Variants in KCNMB2 observed in about 807,000 individuals in gnomAD.
KCNMB2 encodes the protein potassium calcium-activated channel subfamily M regulatory beta subunit 2.
In KCNMB2, 9 loss-of-function variants were observed where a neutral mutation model predicts 24.5. The ratio of observed to expected loss-of-function variants is 0.37; its 90% CI spans 0.22 to 0.64. KCNMB2 has a LOEUF of 0.64. Ranked by LOEUF, KCNMB2 falls within the 30% of genes least tolerant of loss-of-function variation. KCNMB2 has a pLI of 0.63. For missense variants in KCNMB2, 226 were observed against 284.3 expected (o/e 0.79, Z 1.47); for synonymous variants, 109 against 104.4 (o/e 1.04, Z -0.27).
chr3:178,833,632 ATGGTTGTAT>A (rs1715122738), intron 4 of KCNMB2, among the ~76,000 whole-genome samples: 1 of 152,188 alleles, frequency 6.6e-6, no homozygotes, highest in South Asian at 2.1e-4. Context: ...AGAAATGGGC[ATGGTTGTAT>A]TGAGATACAT....
chr3:178,553,061 C>G lies in KCNMB2; in HGVS notation c.-68+16350C>G, dbSNP rs371853847. On this transcript the variant is annotated intron_variant, in intron 1 of 4. Transcript: ENST00000452583. ...GTCACTGCTTGTCAACATGCTTCCT[C>G]TGCAGTGATATTGCATTCATTCATA... Among the ~76,000 whole-genome samples the G allele has an allele frequency of 6.3e-4, 96 of 152,324 alleles. 1 individual carries two copies. The highest frequency in any genetic ancestry group is 1.7e-3 in the African/African-American group (72 of 41,584).
At chr3:178,831,474 G>A (rs1394449244) in intron 4 of KCNMB2, among the ~76,000 whole-genome samples, 4 of 152,098 alleles carry the variant, frequency 2.6e-5, no homozygotes, top group African/African-American at 9.7e-5. Context: ...TCTCACAATA[G>A]CAAAGATATG....
In KCNMB2 at chr3:178,661,903, C is replaced by T. The variant is rs1468629857; in HGVS notation, c.-68+125192C>T. Among the ~76,000 whole-genome samples the T allele has an allele frequency of 6.6e-5, 10 of 152,190 alleles. No individual in the cohort carries two copies. The East Asian group carries it at 1.5e-3, about 24-fold the overall frequency. ...CAATACACACTACTAGATCTATAGTCCTCACAACAGGATAAGGTGGCTGTT... is the reference window on the plus strand; with the variant it reads ...CAATACACACTACTAGATCTATAGTTCTCACAACAGGATAAGGTGGCTGTT... On this transcript the variant is annotated intron_variant, in intron 1 of 4. Coordinates refer to ENST00000452583, the MANE Select transcript of KCNMB2 (RefSeq NM_181361.3).
intron 1 of KCNMB2, among the ~76,000 whole-genome samples, chr3:178,538,044 G>C (rs995606546): frequency 6.6e-6 from 1 of 152,138 alleles, no homozygotes; most frequent in African/African-American, 2.4e-5. Context: ...GGATAAATAG[G>C]GCTTTTGCTC....
chr3:178,759,298 T>G (rs1711570232), intron 1 of KCNMB2, among the ~76,000 whole-genome samples: 1 of 110,120 alleles, frequency 9.1e-6, no homozygotes, highest in Admixed American at 9.7e-5. Context: ...AGAGGAGACA[T>G]ATATATATCT....
At chr3:178,642,141 T>C (rs1719751588) in intron 1 of KCNMB2, among the ~76,000 whole-genome samples, 1 of 152,190 alleles carries the variant, frequency 6.6e-6, no homozygotes. Context: ...AGAGATTTTG[T>C]TTTATACAAA....
At chr3:178,613,642 T>C (rs1718574663) in intron 1 of KCNMB2, among the ~76,000 whole-genome samples, 1 of 152,192 alleles carries the variant, frequency 6.6e-6, no homozygotes, top group Non-Finnish European at 1.5e-5. Flanking sequence ...AAATATGTCA[T>C]GCCACTCTCT....
At chr3:178,551,511 A>G (rs1346187833) in intron 1 of KCNMB2, among the ~76,000 whole-genome samples, 2 of 152,200 alleles carry the variant, frequency 1.3e-5, no homozygotes, top group Non-Finnish European at 2.9e-5. Flanking sequence ...TCACTAAGAC[A>G]TGTGCATTTT....
rs192940752 is a variant in KCNMB2 at position 178,766,220 on chromosome 3, G to C, written c.-67-41123G>C. 1.9e-3 allele frequency among the ~76,000 whole-genome samples: 294 copies of C among 152,132 alleles called. 3 individuals are homozygous for C. Among genetic ancestry groups the C allele is most frequent in the African/African-American group, 6.6e-3 (274 of 41,510 alleles). On this transcript the variant is annotated intron_variant, in intron 1 of 4. Coordinates refer to ENST00000452583, the MANE Select transcript of KCNMB2 (RefSeq NM_181361.3). ...GTTTTTATTTTTATTTTGAGATAGG[G>C]CCTTTCTCTGTCACCCAGGCTGGAG...
chr3:178,691,916 T>C (rs747002264), intron 1 of KCNMB2, among the ~76,000 whole-genome samples: 1 of 152,202 alleles, frequency 6.6e-6, no homozygotes, highest in Non-Finnish European at 1.5e-5. Context: ...CCAGCACCTG[T>C]TATTTTTTGA....
At chr3:178,547,933 G>T (rs1008045678) in intron 1 of KCNMB2, among the ~76,000 whole-genome samples, 2 of 152,158 alleles carry the variant, frequency 1.3e-5, no homozygotes, top group Non-Finnish European at 2.9e-5. Flanking sequence ...TCTGTTCATT[G>T]TACCACAAAT....
intron 4 of KCNMB2, among the ~76,000 whole-genome samples, chr3:178,842,110 G>A (rs1477435713): frequency 6.6e-6 from 1 of 152,126 alleles, no homozygotes; most frequent in East Asian, 1.9e-4. Flanking sequence ...CAACAGAAGT[G>A]TAGCTGTTTT....
intron 1 of KCNMB2, among the ~76,000 whole-genome samples, chr3:178,726,902 C>T (rs1722983869): frequency 6.6e-6 from 1 of 152,026 alleles, no homozygotes; most frequent in Non-Finnish European, 1.5e-5. Context: ...TTGTCTCTTT[C>T]ATTACAGTTT....
chr3:178,629,897 C>A (rs1187481357), intron 1 of KCNMB2, among the ~76,000 whole-genome samples: 2 of 152,138 alleles, frequency 1.3e-5, no homozygotes. Flanking sequence ...TTCTGCAGTA[C>A]AAACTACAGT....
At chr3:178,790,237 G>T (rs1247835580) in intron 1 of KCNMB2, among the ~76,000 whole-genome samples, 1 of 151,972 alleles carries the variant, frequency 6.6e-6, no homozygotes, top group African/African-American at 2.4e-5. Flanking sequence ...GGGTCCTTGG[G>T]CCTTAAATAA....
At chr3:178,794,510 C>T (rs747539805) in intron 1 of KCNMB2, among the ~76,000 whole-genome samples, 1 of 152,190 alleles carries the variant, frequency 6.6e-6, no homozygotes, top group African/African-American at 2.4e-5. Context: ...TGGTCCCTGT[C>T]GTTGTCACTG....
Position 178,622,720 on chromosome 3 carries a change from T to C in KCNMB2, c.-68+86009T>C, listed in dbSNP as rs1186331595. 4.6e-5 allele frequency among the ~76,000 whole-genome samples: 7 copies of C among 152,160 alleles called. No homozygotes were observed. In the East Asian group the frequency reaches 5.8e-4, roughly 13 times the overall value. ...CAGCTTTGTTAAGTAGCCTCCCCCA[T>C]AGCATCTGGTGGTGTCTGCTTATCC... On this transcript the variant is annotated intron_variant, in intron 1 of 4. Transcript: ENST00000452583.
rs1714913626 is a variant in KCNMB2, at chr3:178,828,272, C to T, written c.322C>T (p.Leu108Phe). ...CAGCTGTGGTCCAGACTGCTGGAAA[C>T]TTTCTCAGTACCCCTGCCTCCAGGT... ...SFSCGPDCWKLSQYPCLQVYV... is the reference protein window; with the variant it reads ...SFSCGPDCWKFSQYPCLQVYV... The change falls in exon 4 of 5, where the codon CTT (leucine) becomes TTT (phenylalanine). Residue 108 changes from leucine to phenylalanine, a missense_variant. Coordinates refer to ENST00000452583, the MANE Select transcript of KCNMB2 (RefSeq NM_181361.3). 1 of 1,613,936 alleles carries T rather than the reference C, an allele frequency of 6.2e-7. No homozygotes were observed. Among genetic ancestry groups the T allele is most frequent in the South Asian group, 1.1e-5 (1 of 91,078 alleles).
intron 1 of KCNMB2, among the ~76,000 whole-genome samples, chr3:178,757,686 ATATATG>A (rs1724170321): frequency 4.7e-5 from 3 of 63,300 alleles, no homozygotes; most frequent in East Asian, 3.7e-4. Context: ...AAGAGGATAT[ATATATG>A]TATATATATC....
Sources: gnomAD v4.1 joint callset for allele counts (sites outside exome capture counted in the v4.1 genomes callset) on GRCh38, gnomAD v4.1.1 for gene constraint, MANE v1.5 for transcripts, NCBI Gene and HGNC (gene_info 2026-07-23, HGNC 2026-07-21) for gene names.